Variants in CUX1 observed in about 807,000 individuals in gnomAD.
CUX1 encodes cut like homeobox 1, also known as protein CASP.
A neutral mutation model predicts 158.8 loss-of-function variants in CUX1; 31 were observed. That is an observed-to-expected ratio of 0.20 (90% CI 0.15 to 0.26). The LOEUF is 0.26. Ranked by LOEUF, CUX1 falls within the 10% of genes least tolerant of loss-of-function variation. CUX1 has a pLI of 1.00. For synonymous variants in CUX1, 879 were observed against 862.1 expected (o/e 1.02, Z -0.34); for missense variants, 1,589 against 2,014.6 (o/e 0.79, Z 4.04).
intron 8 of CUX1, among the ~76,000 whole-genome samples, chr7:102,147,941 C>T (rs1294175333): frequency 6.6e-6 from 1 of 151,938 alleles, no homozygotes; most frequent in Non-Finnish European, 1.5e-5. Flanking sequence ...GCCCCACTGC[C>T]CTCCAGCCTG....
At chr7:102,108,973 T>G (rs1830638541) in intron 6 of CUX1, among the ~76,000 whole-genome samples, 1 of 152,112 alleles carries the variant, frequency 6.6e-6, no homozygotes, top group African/African-American at 2.4e-5. Context: ...ATGCTGGTCT[T>G]GAACTCCTGA....
intron 14 of CUX1, chr7:102,264,950 G>A (rs902089191): frequency 3.9e-5 from 6 of 152,180 alleles, no homozygotes; most frequent in African/African-American, 1.4e-4. Context: ...GCTTTCCAAG[G>A]GCACCCCGAA....
At chr7:101,835,005 TAAATAAATAAA>T (rs974165068) in intron 1 of CUX1, among the ~76,000 whole-genome samples, 17 of 108,098 alleles carry the variant, frequency 1.6e-4, no homozygotes, top group African/African-American at 4.2e-4. Context: ...CATAAATAAA[TAAATAAATAAA>T]TAAATAAATA....
intron 1 of CUX1, among the ~76,000 whole-genome samples, chr7:101,872,121 G>A (rs752579507): frequency 1.8e-4 from 27 of 151,968 alleles, no homozygotes; most frequent in Non-Finnish European, 3.5e-4. Flanking sequence ...AGACATAGAA[G>A]GATATTTTAT....
rs185722431 is a variant in CUX1 at position 102,082,329 on chromosome 7, C to A, written c.268+11912C>A. 9.0e-4 allele frequency among the ~76,000 whole-genome samples: 132 copies of A among 146,720 alleles called. 12 individuals carry two copies. In the Admixed American group the frequency reaches 9.0e-3, roughly 10 times the overall value. On this transcript the variant is annotated intron_variant, in intron 4 of 23. Transcript: ENST00000292535. ...ATCACCTGAGGTCAGGAGTTCGAGA[C>A]CAGCCTGGCCAACATGGTGAAACCC...
chr7:102,237,628 C>T (rs2132473950), intron 22 of CUX1, among the ~76,000 whole-genome samples: 1 of 152,298 alleles, frequency 6.6e-6, no homozygotes, highest in South Asian at 2.1e-4. Context: ...TAGGCAACTT[C>T]CCCTTCTGCC....
intron 2 of CUX1, among the ~76,000 whole-genome samples, chr7:101,992,485 G>A (rs913578251): frequency 1.3e-5 from 2 of 152,194 alleles, no homozygotes; most frequent in African/African-American, 2.4e-5. Flanking sequence ...ATGCCCACCC[G>A]TGGGTGATGG....
At chr7:101,844,097 C>T (rs895220157) in intron 1 of CUX1, among the ~76,000 whole-genome samples, 2 of 152,170 alleles carry the variant, frequency 1.3e-5, no homozygotes, top group Admixed American at 1.3e-4. Context: ...CCAATCAGCC[C>T]TAAGCACGTT....
At chr7:102,099,206 G>A (rs547799868) in intron 5 of CUX1, among the ~76,000 whole-genome samples, 85 of 152,244 alleles carry the variant, frequency 5.6e-4, no homozygotes, top group African/African-American at 1.8e-3. Context: ...TTGGGGGCAC[G>A]AGGTGACAGG....
chr7:102,274,318 G>C (rs1554547123), intron 16 of CUX1: 1 of 1,612,360 alleles, frequency 6.2e-7, no homozygotes, highest in Non-Finnish European at 8.5e-7. Context: ...ACGGTAAGGA[G>C]AGGCCTGACC....
At chr7:101,838,935 A>G (rs1794917206) in intron 1 of CUX1, among the ~76,000 whole-genome samples, 2 of 152,224 alleles carry the variant, frequency 1.3e-5, no homozygotes. Flanking sequence ...TGGAGGCTGG[A>G]AAGTCCATGA....
At chr7:102,236,414 C>G (rs1184885407) in intron 22 of CUX1, among the ~76,000 whole-genome samples, 2 of 152,338 alleles carry the variant, frequency 1.3e-5, no homozygotes, top group Middle Eastern at 3.4e-3. Context: ...ACATTGCCCC[C>G]CTAAAAGTTT....
intron 4 of CUX1, among the ~76,000 whole-genome samples, chr7:102,092,837 C>T (rs554234213): frequency 7.6e-5 from 11 of 144,176 alleles, no homozygotes; most frequent in Non-Finnish European, 1.6e-4. Context: ...TGCTTGAACA[C>T]GGGAGGCAGA....
intron 1 of CUX1, among the ~76,000 whole-genome samples, chr7:101,825,139 A>G (rs895613718): frequency 6.6e-6 from 1 of 152,216 alleles, no homozygotes; most frequent in Non-Finnish European, 1.5e-5. Flanking sequence ...GGAGTCCCCA[A>G]CATACAGAGA....
At chr7:102,061,359 T>C (rs1463559649) in intron 3 of CUX1, among the ~76,000 whole-genome samples, 1 of 152,150 alleles carries the variant, frequency 6.6e-6, no homozygotes, top group African/African-American at 2.4e-5. Flanking sequence ...CCAGCCCCAG[T>C]GCGCAATGCT....
chr7:102,210,590 C>T lies in CUX1; in HGVS notation c.3130+5420C>T, dbSNP rs187538342. On this transcript the variant is annotated intron_variant, in intron 20 of 23. Transcript: ENST00000292535. ...GTTACGTCTGCATTCACACTGGCTT[C>T]AGGTGTATTATGGCTATCCAGGTGG... Among the ~76,000 whole-genome samples the T allele has an allele frequency of 2.5e-3, 376 of 152,334 alleles. 3 individuals carry two copies. Among genetic ancestry groups the T allele is most frequent in the African/African-American group, 8.7e-3 (363 of 41,562 alleles).
intron 8 of CUX1, among the ~76,000 whole-genome samples, chr7:102,119,909 C>G (rs1308303855): frequency 6.6e-5 from 10 of 152,166 alleles, no homozygotes; most frequent in Admixed American, 6.5e-4. Flanking sequence ...TACGGATCTT[C>G]CCGCTTCTCT....
chr7:102,248,679 C>T lies in CUX1; in HGVS notation c.4155C>T (p.Asp1385=). 2.3e-6 allele frequency: 3 copies of T among 1,293,816 alleles called. No individual in the cohort carries two copies. The highest frequency in any genetic ancestry group is 2.9e-6 in the Non-Finnish European group (3 of 1,019,702). 80.1% of individuals were successfully genotyped at this position (1,293,816 alleles called of 1,614,324 possible). ...PPPSGTPGPD[D]ARDDDHEGGP... The stretch of plus-strand genomic sequence containing the variant: ...CCTCGGGGACCCCGGGCCCGGACGA[C>T]GCCCGCGACGACGACCACGAGGGAG... The change falls in exon 24 of 24, where the codon GAC becomes GAT. Residue 1385 remains aspartate, a synonymous_variant. Transcript: ENST00000292535. The surrounding 1 kb of genome is among the most constrained non-coding windows in gnomAD (Gnocchi z 5.8).
intron 2 of CUX1, among the ~76,000 whole-genome samples, chr7:101,956,854 C>G (rs756081751): frequency 3.9e-5 from 6 of 152,100 alleles, no homozygotes; most frequent in Non-Finnish European, 7.4e-5. Context: ...GAGGCCAAGG[C>G]GGGAGGATCG....
Sources: gnomAD v4.1 joint callset for allele counts (sites outside exome capture counted in the v4.1 genomes callset) on GRCh38, gnomAD v4.1.1 for gene constraint, Gnocchi (gnomAD v3.1) non-coding constraint, MANE v1.5 for transcripts, NCBI Gene and HGNC (gene_info 2026-07-23, HGNC 2026-07-21) for gene names.